The following PDXK variants were observed in gnomAD, a reference collection of about 807,000 sequenced individuals.
PDXK encodes epididymis secretory sperm binding protein Li 1a.
PDXK carries 15 observed loss-of-function variants against 43.2 expected under a neutral mutation model. That is an observed-to-expected ratio of 0.35 (90% CI 0.23 to 0.53). PDXK has a LOEUF of 0.53. PDXK is among the 20% of genes least tolerant of loss of function. The pLI is 0.92. For missense variants in PDXK, 343 were observed against 417.0 expected (o/e 0.82, Z 1.54); for synonymous variants, 172 against 165.4 (o/e 1.04, Z -0.31).
intron 1 of PDXK, among the ~76,000 whole-genome samples, chr21:43,726,512 G>A (rs553305410): frequency 6.6e-5 from 10 of 152,106 alleles, no homozygotes; most frequent in South Asian, 2.1e-4. Flanking sequence ...TCCTGACCTC[G>A]GGATCTGCCC....
chr21:43,743,367 A>T (rs1344206977), intron 3 of PDXK, among the ~76,000 whole-genome samples: 1 of 32,460 alleles, frequency 3.1e-5, no homozygotes, highest in Non-Finnish European at 5.6e-5. Flanking sequence ...CCTTCCCCCC[A>T]GCTCCCGAGC....
intron 7 of PDXK, among the ~76,000 whole-genome samples, chr21:43,751,124 G>T (rs1230763482): frequency 6.6e-6 from 1 of 152,234 alleles, no homozygotes; most frequent in African/African-American, 2.4e-5. Context: ...CCAAGGTGCA[G>T]TTTCTTCAAA....
chr21:43,727,628 T>TG (rs1471290082), intron 1 of PDXK, among the ~76,000 whole-genome samples: 3 of 152,286 alleles, frequency 2.0e-5, no homozygotes, highest in African/African-American at 7.2e-5. Flanking sequence ...AGCTGTGCAG[T>TG]GCACACAGGT....
chr21:43,747,339 G>A lies in PDXK; in HGVS notation c.378+1214G>A, dbSNP rs184954892. On this transcript the variant is annotated intron_variant, in intron 5 of 10. Coordinates refer to ENST00000291565, the MANE Select transcript of PDXK (RefSeq NM_003681.5). ...TAACTCAGCCATTCAGCGCCCAGGC[G>A]ATTTCAGTATCTGCCTTCTTTGTCG... Among the ~76,000 whole-genome samples the A allele has an allele frequency of 4.3e-4, 66 of 152,354 alleles. No homozygotes were observed. In the East Asian group the frequency reaches 0.012, roughly 28 times the overall value.
At chr21:43,725,817 A>G (rs2147208057) in intron 1 of PDXK, among the ~76,000 whole-genome samples, 1 of 152,234 alleles carries the variant, frequency 6.6e-6, no homozygotes, top group South Asian at 2.1e-4. Flanking sequence ...CTCAAAACAA[A>G]AAAAAAAGAA....
intron 2 of PDXK, among the ~76,000 whole-genome samples, chr21:43,736,486 A>G (rs1196528338): frequency 6.6e-6 from 1 of 152,124 alleles, no homozygotes; most frequent in African/African-American, 2.4e-5. Flanking sequence ...TGCTGCCATG[A>G]ACGTTTGTCT....
At position 43,755,750 on chromosome 21, in the gene PDXK, T is replaced by C. The variant is rs2083838078; in HGVS notation, c.812T>C (p.Ile271Thr). The C allele has an allele frequency of 1.2e-6, 2 of 1,613,912 alleles. No homozygotes were observed. The highest frequency in any genetic ancestry group is 1.1e-5 in the South Asian group (1 of 91,082). ...STLHHVLQRT[I>T]QCAKAQAGEG... ...TTGCACCACGTTCTGCAGAGGACCA[T>C]CCAGTGTGCAAAAGGTACGGCGGCC... The change falls in exon 10 of 11, where the codon ATC becomes ACC. Residue 271 changes from isoleucine (I) to threonine (T), a missense_variant. Ile to Thr is a moderately conservative substitution (Grantham distance 89, BLOSUM62 -1). Transcript: ENST00000291565.
At chr21:43,729,104 G>C (rs1601786678) in intron 1 of PDXK, 3 of 811,196 alleles carry the variant, frequency 3.7e-6, no homozygotes, top group Non-Finnish European at 4.5e-6. Flanking sequence ...CCCTGGCTGC[G>C]GCCTCCGCGG....
At chr21:43,750,909 CGCATGTGT>C (rs71197858) in intron 7 of PDXK, among the ~76,000 whole-genome samples, 51,801 of 149,804 alleles carry the variant, frequency 0.35, 8,852 homozygotes, top group East Asian at 0.47. Flanking sequence ...TGGGTGTGCA[CGCATGTGT>C]GCATGTGTGT....
chr21:43,742,049 G>T (rs2083544203), intron 3 of PDXK, among the ~76,000 whole-genome samples: 1 of 152,140 alleles, frequency 6.6e-6, no homozygotes, highest in Non-Finnish European at 1.5e-5. Flanking sequence ...GTGCAGGCAG[G>T]GTGTTGGGAA....
At chr21:43,733,760 CGA>C (rs2083358570) in intron 1 of PDXK, 1 of 896,904 alleles carries the variant, frequency 1.1e-6, no homozygotes, top group African/African-American at 1.7e-5. Flanking sequence ...TCGCTGGGTG[CGA>C]TTTCTGGAAT....
rs945284812 is a variant in PDXK, at chr21:43,756,886, G to A, written c.*823G>A. 2.6e-5 allele frequency: 4 copies of A among 152,410 alleles called. No homozygotes were observed. The highest frequency in any genetic ancestry group is 5.9e-5 in the Non-Finnish European group (4 of 68,170). The allele number at this position is 152,410 out of a possible 1,614,324, so 9.4% of individuals were successfully genotyped here. ...GAACCACCCCGTCAGGTTCCTTGTG[G>A]AAGCTCCCCTCATCCGTGGTGCAGC... is the stretch of plus-strand genomic sequence containing the variant. On this transcript the variant is annotated 3_prime_UTR_variant, in exon 11 of 11. Coordinates refer to ENST00000291565, the MANE Select transcript of PDXK (RefSeq NM_003681.5).
chr21:43,740,080 C>G (rs145322383), intron 2 of PDXK, among the ~76,000 whole-genome samples: 1 of 152,034 alleles, frequency 6.6e-6, no homozygotes, highest in Non-Finnish European at 1.5e-5. Context: ...CCCCTCAGTG[C>G]GTACACTCTG....
At chr21:43,749,631 C>T (rs2083700006) in intron 6 of PDXK, among the ~76,000 whole-genome samples, 1 of 151,576 alleles carries the variant, frequency 6.6e-6, no homozygotes, top group Non-Finnish European at 1.5e-5. Context: ...AGGCTCACGT[C>T]TTCTCTTTGG....
At chr21:43,721,956 A>C (rs948571004) in intron 1 of PDXK, 1 of 152,442 alleles carries the variant, frequency 6.6e-6, no homozygotes, top group Non-Finnish European at 1.5e-5. Context: ...TGGCATGACC[A>C]GTACTGGCAG....
At chr21:43,719,423 C>T in intron 1 of PDXK, 42 bp downstream of exon 1, 1 of 1,488,466 alleles carries the variant, frequency 6.7e-7, no homozygotes. Flanking sequence ...AACCCGAGCC[C>T]GTGACCTTGG....
intron 1 of PDXK, among the ~76,000 whole-genome samples, chr21:43,722,851 T>C (rs2083217963): frequency 6.6e-6 from 1 of 152,178 alleles, no homozygotes; most frequent in African/African-American, 2.4e-5. Flanking sequence ...TTCTTTCTTT[T>C]TTTTGAGACG....
chr21:43,733,041 C>G (rs1343592672), intron 1 of PDXK, among the ~76,000 whole-genome samples: 3 of 152,154 alleles, frequency 2.0e-5, no homozygotes, highest in African/African-American at 7.2e-5. Context: ...AGCCACTGCA[C>G]CTGGCCGCAA....
At chr21:43,726,540 T>C (rs549303779) in intron 1 of PDXK, among the ~76,000 whole-genome samples, 1 of 152,092 alleles carries the variant, frequency 6.6e-6, no homozygotes, top group African/African-American at 2.4e-5. Context: ...CCTTCCAAAG[T>C]GCTGGGATTA....
Sources: allele counts gnomAD v4.1 joint callset (sites outside exome capture counted in the v4.1 genomes callset), GRCh38; gene constraint gnomAD v4.1.1; transcripts MANE v1.5; gene names NCBI Gene and HGNC (gene_info 2026-07-23, HGNC 2026-07-21).